The following RARB variants were observed in gnomAD, a reference collection of about 807,000 sequenced individuals.
RARB encodes the protein retinoic acid receptor beta, also known as HBV-activated protein.
In RARB, 17 loss-of-function variants were observed where a neutral mutation model predicts 51.9. The observed-to-expected ratio is 0.33, with a 90% CI of 0.22 to 0.49. RARB has a LOEUF of 0.49. RARB is among the 20% of genes least tolerant of loss of function. The probability of loss-of-function intolerance (pLI) is 0.99; values close to 1 mark genes in which losing one functional copy is unlikely to be tolerated. For missense variants in RARB, 369 were observed against 550.8 expected (o/e 0.67, Z 3.30); for synonymous variants, 215 against 195.4 (o/e 1.10, Z -0.84).
intron 1 of RARB, among the ~76,000 whole-genome samples, chr3:24,831,506 GA>G (rs1702281190): frequency 6.6e-6 from 1 of 152,066 alleles, no homozygotes; most frequent in East Asian, 1.9e-4. Context: ...CAGAAAGCGT[GA>G]AACAAAATAA....
At chr3:25,354,482 T>C (rs948619851) in intron 5 of RARB, among the ~76,000 whole-genome samples, 3 of 152,168 alleles carry the variant, frequency 2.0e-5, no homozygotes, top group African/African-American at 7.2e-5. Context: ...TCATTTATTT[T>C]ATGTTACGTT....
intron 2 of RARB, among the ~76,000 whole-genome samples, chr3:24,918,262 G>A (rs934074928): frequency 2.0e-5 from 3 of 152,154 alleles, no homozygotes; most frequent in African/African-American, 4.8e-5. Flanking sequence ...ACTGCAACCT[G>A]ACTTGGTTGA....
chr3:25,172,123 T>C (rs1025858718), intron 4 of RARB, among the ~76,000 whole-genome samples: 11 of 152,196 alleles, frequency 7.2e-5, no homozygotes, highest in African/African-American at 2.7e-4. Flanking sequence ...TGGGACCATA[T>C]GGTCTCACTG....
chr3:25,192,728 A>C, intron 5 of RARB, among the ~76,000 whole-genome samples: 1 of 152,096 alleles, frequency 6.6e-6, no homozygotes, highest in East Asian at 1.9e-4. Context: ...CACAAAACAC[A>C]CAGACACACA....
rs553946876 is a variant in RARB at position 25,104,478 on chromosome 3, A to G, written c.-327-27683A>G. On this transcript the variant is annotated intron_variant, in intron 3 of 11. Coordinates refer to the RARB transcript ENST00000383772. ...GCAACATGGGGGAAAACCCATCTCT[A>G]CTGAAAATATAAAAATTTAGCTTGG... is the stretch of plus-strand genomic sequence containing the variant. Among the ~76,000 whole-genome samples the G allele has an allele frequency of 2.0e-4, 30 of 152,144 alleles. No individual in the cohort carries two copies. In the South Asian group the frequency reaches 6.0e-3, roughly 31 times the overall value.
intron 2 of RARB, among the ~76,000 whole-genome samples, chr3:25,489,896 G>A (rs536944913): frequency 6.6e-6 from 1 of 152,224 alleles, no homozygotes; most frequent in African/African-American, 2.4e-5. Context: ...TGTAGAGGTC[G>A]ATACTCTTAG....
intron 2 of RARB, among the ~76,000 whole-genome samples, chr3:24,919,343 G>A (rs998005800): frequency 2.0e-5 from 3 of 152,066 alleles, no homozygotes; most frequent in Non-Finnish European, 4.4e-5. Context: ...CGGCCTAAAA[G>A]TTTCTCCATA....
At chr3:25,038,564 G>A (rs368868034) in intron 2 of RARB, among the ~76,000 whole-genome samples, 16 of 152,194 alleles carry the variant, frequency 1.1e-4, no homozygotes, top group Admixed American at 3.9e-4. Flanking sequence ...ATGAAGTGGT[G>A]CCAAGAAAGT....
intron 3 of RARB, among the ~76,000 whole-genome samples, chr3:25,511,086 A>C (rs184559299): frequency 1.1e-4 from 17 of 152,278 alleles, no homozygotes; most frequent in African/African-American, 3.9e-4. Context: ...AAACTTTACA[A>C]ACACAGTCAC....
At chr3:25,439,488 C>A (rs1383463735) in intron 1 of RARB, among the ~76,000 whole-genome samples, 1 of 152,136 alleles carries the variant, frequency 6.6e-6, no homozygotes, top group East Asian at 1.9e-4. Context: ...TCACTGCAGC[C>A]TCAACCTGCT....
At chr3:25,410,806 G>A (rs1487850534) in intron 5 of RARB, among the ~76,000 whole-genome samples, 1 of 152,198 alleles carries the variant, frequency 6.6e-6, no homozygotes, top group Non-Finnish European at 1.5e-5. Flanking sequence ...AGCAAACACT[G>A]CATATCAGGG....
At chr3:25,064,016 G>A (rs1698607766) in intron 3 of RARB, among the ~76,000 whole-genome samples, 1 of 152,022 alleles carries the variant, frequency 6.6e-6, no homozygotes, top group Non-Finnish European at 1.5e-5. Context: ...GGCAGCCATA[G>A]AGACAGAGAA....
intron 2 of RARB, among the ~76,000 whole-genome samples, chr3:25,484,454 C>G (rs1696370798): frequency 6.6e-6 from 1 of 152,074 alleles, no homozygotes; most frequent in African/African-American, 2.4e-5. Flanking sequence ...TCGCTGATTA[C>G]TACAAAATAT....
At chr3:25,453,697 T>C (rs1225066930) in intron 1 of RARB, among the ~76,000 whole-genome samples, 2 of 152,184 alleles carry the variant, frequency 1.3e-5, no homozygotes, top group African/African-American at 4.8e-5. Flanking sequence ...CTGTTTCATA[T>C]GTGGTCAGAA....
In RARB at chr3:25,287,631, A is replaced by G. The variant is rs372402082; in HGVS notation, c.178+113056A>G. 7.2e-5 allele frequency among the ~76,000 whole-genome samples: 11 copies of G among 152,302 alleles called. No individual in the cohort carries two copies. In the South Asian group the frequency reaches 1.2e-3, roughly 17 times the overall value. On this transcript the variant is annotated intron_variant, in intron 5 of 11. Transcript: ENST00000383772. ...CCTCACAAATTCTGACTTCCTTTGT[A>G]TGGGTTTCAAAGAATTTAAGGATCT...
At chr3:25,322,743 A>G (rs1295648206) in intron 5 of RARB, among the ~76,000 whole-genome samples, 1 of 152,162 alleles carries the variant, frequency 6.6e-6, no homozygotes, top group African/African-American at 2.4e-5. Context: ...TAAGATAAAC[A>G]CTACTTTAAG....
At chr3:25,322,410 G>A (rs779152250) in intron 5 of RARB, among the ~76,000 whole-genome samples, 6 of 152,162 alleles carry the variant, frequency 3.9e-5, no homozygotes, top group African/African-American at 1.2e-4. Context: ...GAGCTAGAAA[G>A]TAAAATATTG....
intron 2 of RARB, among the ~76,000 whole-genome samples, chr3:24,905,132 T>C (rs1246764741): frequency 1.3e-5 from 2 of 152,054 alleles, no homozygotes; most frequent in Non-Finnish European, 2.9e-5. Context: ...ACTTAAAGTA[T>C]AATAAAAATA....
chr3:24,858,983 G>A (rs1702685302), intron 2 of RARB, among the ~76,000 whole-genome samples: 1 of 143,870 alleles, frequency 7.0e-6, no homozygotes. Context: ...GTTGCGGTGA[G>A]CTGAGATCCT....
Sources: allele counts gnomAD v4.1 joint callset (sites outside exome capture counted in the v4.1 genomes callset), GRCh38; gene constraint gnomAD v4.1.1; transcripts MANE v1.5; gene names NCBI Gene and HGNC (gene_info 2026-07-23, HGNC 2026-07-21).